TRAT1: variants seen among roughly 807,000 people sequenced by gnomAD.
The protein encoded by TRAT1 is T cell receptor associated transmembrane adaptor 1.
Under a neutral mutation model 20.0 loss-of-function variants are expected in TRAT1, and 20 were observed. That is an observed-to-expected ratio of 1.00 (90% confidence interval 0.70 to 1.45). The LOEUF (loss-of-function observed/expected upper bound fraction) is 1.45, where lower values mean the gene tolerates loss of function less well. Ranked by LOEUF, TRAT1 falls within the 40% of genes most tolerant of loss-of-function variation. The probability of loss-of-function intolerance (pLI) is 0.00; values close to 1 mark genes in which losing one functional copy is unlikely to be tolerated. For missense variants in TRAT1, 237 were observed against 224.1 expected, an observed-to-expected ratio of 1.06 and a Z score of -0.37; for synonymous variants, 77 against 74.2, an observed-to-expected ratio of 1.04 and a Z score of -0.20.
chr3:108,843,121 T>C lies in TRAT1; in HGVS notation c.153-3947T>C, dbSNP rs117203959. On this transcript the variant is annotated intron_variant, in intron 3 of 5. Transcript: ENST00000295756. ...TAATAAGCATATATGCATCACTCTG[T>C]CAACTTTTCCTTTGTGATTCTGCAT... 9.3e-4 allele frequency among the ~76,000 whole-genome samples: 142 copies of C among 152,338 alleles called. No homozygotes were observed. The East Asian group carries it at 0.019, about 20-fold the overall frequency.
intron 2 of TRAT1, among the ~76,000 whole-genome samples, chr3:108,831,275 T>C (rs1375866385): frequency 6.6e-6 from 1 of 152,136 alleles, no homozygotes; most frequent in African/African-American, 2.4e-5. Context: ...TGTCAAACAC[T>C]CCCAGAGTCT....
chr3:108,838,442 C>T (rs761959548), intron 2 of TRAT1, among the ~76,000 whole-genome samples: 6 of 151,794 alleles, frequency 4.0e-5, no homozygotes, highest in Non-Finnish European at 7.4e-5. Flanking sequence ...TGATTTTTTT[C>T]GTTTTTGGTA....
intron 2 of TRAT1, among the ~76,000 whole-genome samples, chr3:108,832,334 G>A (rs9809020): frequency 1.3e-5 from 2 of 151,956 alleles, no homozygotes; most frequent in Non-Finnish European, 2.9e-5. Context: ...CTATGGCTAA[G>A]GTGAAATTTA....
At chr3:108,844,466 T>TTTAAATTTAAATTAAATTC (rs1363291057) in intron 3 of TRAT1, among the ~76,000 whole-genome samples, 3,603 of 151,234 alleles carry the variant, frequency 0.024, 133 homozygotes, top group African/African-American at 0.08. Context: ...TGGACTTTGA[T>TTTAAATTTAAATTAAATTC]CACAAACTAC....
intron 3 of TRAT1, among the ~76,000 whole-genome samples, chr3:108,840,293 C>T (rs1460147155): frequency 6.6e-6 from 1 of 152,078 alleles, no homozygotes; most frequent in Non-Finnish European, 1.5e-5. Flanking sequence ...CTTTTGGTTT[C>T]TTTTTACAAC....
intron 1 of TRAT1, among the ~76,000 whole-genome samples, chr3:108,830,244 A>G (rs1945781096): frequency 6.6e-6 from 1 of 152,234 alleles, no homozygotes; most frequent in South Asian, 2.1e-4. Context: ...ACTGAGATCA[A>G]TGGAAGAGAA....
intron 3 of TRAT1, among the ~76,000 whole-genome samples, chr3:108,846,255 T>C (rs1340634904): frequency 6.6e-6 from 1 of 152,202 alleles, no homozygotes; most frequent in Non-Finnish European, 1.5e-5. Context: ...GGATAAAATA[T>C]GCATCTCATA....
chr3:108,850,823 T>C (rs939715584), intron 5 of TRAT1, among the ~76,000 whole-genome samples: 2 of 152,306 alleles, frequency 1.3e-5, no homozygotes, highest in Admixed American at 1.3e-4. Flanking sequence ...TTCACAGCAC[T>C]TTAGTTGTAA....
At chr3:108,839,882 A>G (rs1354867806) in intron 3 of TRAT1, among the ~76,000 whole-genome samples, 1 of 152,114 alleles carries the variant, frequency 6.6e-6, no homozygotes, top group Non-Finnish European at 1.5e-5. Flanking sequence ...AAATCGTAGT[A>G]AGGAAATTTT....
chr3:108,849,360 G>A (rs1945975736), intron 5 of TRAT1, 106 bp downstream of exon 5: 1 of 893,738 alleles, frequency 1.1e-6, no homozygotes, highest in South Asian at 1.7e-5. Flanking sequence ...CAATCAATCA[G>A]ATGTCAAGTT....
At chr3:108,840,860 C>T (rs1214733822) in intron 3 of TRAT1, among the ~76,000 whole-genome samples, 1 of 152,238 alleles carries the variant, frequency 6.6e-6, no homozygotes, top group East Asian at 1.9e-4. Context: ...GATAGTTCCC[C>T]AAGCCTCAGA....
rs866806930 is a variant in TRAT1, at chr3:108,830,680, G to C, written c.18G>C (p.Gly6=). Residue 6 remains glycine, a synonymous_variant, in exon 2 of 6, where the codon GGG becomes GGC. Transcript: ENST00000295756. The part of the protein sequence containing the change: MSGIS[G]CPFFLWGLLA... ...TATTTTAATTTCCAGGAATCTCTGG[G>C]TGCCCCTTTTTCCTCTGGGGACTTC... 2 of 1,609,570 alleles carry C rather than the reference G, an allele frequency of 1.2e-6. No individual in the cohort carries two copies. Among genetic ancestry groups the C allele is most frequent in the East Asian group, 2.2e-5 (1 of 44,850 alleles).
intron 2 of TRAT1, among the ~76,000 whole-genome samples, chr3:108,835,890 T>C (rs1232702075): frequency 6.8e-6 from 1 of 147,506 alleles, no homozygotes; most frequent in Non-Finnish European, 1.5e-5. Context: ...GTTAGTTGTT[T>C]GTTTGTATTT....
chr3:108,846,132 G>A (rs1466065124), intron 3 of TRAT1, among the ~76,000 whole-genome samples: 1 of 152,156 alleles, frequency 6.6e-6, no homozygotes, highest in South Asian at 2.1e-4. Flanking sequence ...ACTGAGCACG[G>A]GGCTTTACAA....
At position 108,853,847 on chromosome 3, in the gene TRAT1, G is replaced by C. The variant is rs745892628; in HGVS notation, c.531G>C (p.Leu177Phe). The C allele has an allele frequency of 4.3e-6, 7 of 1,613,946 alleles. No homozygotes were observed. Among genetic ancestry groups the C allele is most frequent in the Non-Finnish European group, 5.9e-6 (7 of 1,179,954 alleles). ...ATGATCCCATCAGACTGTTTGGATT[G>C]ATCCGTGCTAAGAGAGAACCTATAA... ...IHDDPIRLFG[L>F]IRAKREPIN is the part of the protein sequence containing the mutation. The change falls in exon 6 of 6, where the codon TTG (leucine) becomes TTC (phenylalanine). Residue 177 changes from leucine to phenylalanine, a missense_variant. Coordinates refer to ENST00000295756, the MANE Select transcript of TRAT1 (RefSeq NM_016388.4).
At chr3:108,823,114 T>G (rs1251345541) in intron 1 of TRAT1, among the ~76,000 whole-genome samples, 180 bp downstream of exon 1, 3 of 152,210 alleles carry the variant, frequency 2.0e-5, no homozygotes, top group Non-Finnish European at 4.4e-5. Context: ...GACATTTTTC[T>G]TTTGAAAGAA....
rs531843407 is a variant in TRAT1 at position 108,837,673 on chromosome 3, T to C, written c.119-1261T>C. ...GAGAGTTAGATAATAGTGGTCTTTA[T>C]TTTTACATTAATAACTTTTTTGCAA... is the stretch of plus-strand genomic sequence containing the variant. On this transcript the variant is annotated intron_variant, in intron 2 of 5. Transcript: ENST00000295756. Among the ~76,000 whole-genome samples the C allele has an allele frequency of 1.9e-3, 290 of 152,332 alleles. 2 individuals are homozygous for C. The highest frequency in any genetic ancestry group is 6.8e-3 in the African/African-American group (281 of 41,578).
chr3:108,850,962 C>T (rs1022209305), intron 5 of TRAT1, among the ~76,000 whole-genome samples: 2 of 152,154 alleles, frequency 1.3e-5, no homozygotes, highest in African/African-American at 4.8e-5. Flanking sequence ...TCTTTAAAAG[C>T]CTGCTCTTTT....
chr3:108,837,576 AAT>A (rs1407064248), intron 2 of TRAT1, among the ~76,000 whole-genome samples: 1 of 152,224 alleles, frequency 6.6e-6, no homozygotes, highest in African/African-American at 2.4e-5. Flanking sequence ...GTTCCTTACT[AAT>A]ATAGAGTGTT....
Sources: gnomAD v4.1 joint callset for allele counts (sites outside exome capture counted in the v4.1 genomes callset) on GRCh38, gnomAD v4.1.1 for gene constraint, MANE v1.5 for transcripts, NCBI Gene and HGNC (gene_info 2026-07-23, HGNC 2026-07-21) for gene names.